The following PRKCE variants were observed in gnomAD, a reference collection of about 807,000 sequenced individuals.
PRKCE encodes the protein protein kinase C epsilon type.
A neutral mutation model predicts 85.4 loss-of-function variants in PRKCE; 16 were observed. The ratio of observed to expected loss-of-function variants is 0.19; its 90% CI spans 0.13 to 0.28. PRKCE has a LOEUF of 0.28. Ranked by LOEUF, PRKCE falls within the 10% of genes least tolerant of loss-of-function variation. The pLI, the probability that PRKCE is intolerant of heterozygous loss-of-function variation, is 1.00. For missense variants in PRKCE, 573 were observed against 975.2 expected (o/e 0.59, Z 5.49); for synonymous variants, 388 against 371.5 (o/e 1.04, Z -0.51).
chr2:45,732,939 T>TTCTTTAAAGGA (rs1163339404), intron 1 of PRKCE, among the ~76,000 whole-genome samples: 33 of 152,352 alleles, frequency 2.2e-4, no homozygotes, highest in African/African-American at 7.9e-4. Flanking sequence ...GTCGACGACT[T>TTCTTTAAAGGA]TCTTTAAAGG....
At chr2:46,101,853 G>C (rs1472408134) in intron 11 of PRKCE, among the ~76,000 whole-genome samples, 2 of 85,774 alleles carry the variant, frequency 2.3e-5, no homozygotes, top group Non-Finnish European at 4.3e-5. Flanking sequence ...CTGATAAACT[G>C]GCTTTCAAAA....
chr2:45,915,347 C>T (rs1429814320), intron 2 of PRKCE, among the ~76,000 whole-genome samples: 1 of 152,128 alleles, frequency 6.6e-6, no homozygotes, highest in Non-Finnish European at 1.5e-5. Flanking sequence ...GTATTTAATG[C>T]ATCTGTTCTT....
chr2:45,879,902 T>C (rs1694758498), intron 2 of PRKCE, among the ~76,000 whole-genome samples: 1 of 152,260 alleles, frequency 6.6e-6, no homozygotes, highest in South Asian at 2.1e-4. Context: ...ATCCTCCTCC[T>C]ACCTATTTGA....
At chr2:46,035,133 T>C (rs1259416873) in intron 10 of PRKCE, among the ~76,000 whole-genome samples, 1 of 152,212 alleles carries the variant, frequency 6.6e-6, no homozygotes, top group African/African-American at 2.4e-5. Flanking sequence ...AGAATGACCC[T>C]TGATGTCAGG....
chr2:45,689,299 C>A (rs1263232430), intron 1 of PRKCE, among the ~76,000 whole-genome samples: 2 of 152,092 alleles, frequency 1.3e-5, no homozygotes, highest in African/African-American at 2.4e-5. Context: ...TTTCAGGTAA[C>A]CTTGGGTAAC....
intron 1 of PRKCE, among the ~76,000 whole-genome samples, chr2:45,814,212 T>G (rs1289309068): frequency 6.6e-6 from 1 of 152,234 alleles, no homozygotes; most frequent in Non-Finnish European, 1.5e-5. Context: ...GAGAAAAATT[T>G]TGAAGCCAGA....
At chr2:46,086,129 C>T in intron 10 of PRKCE, 79 bp from the exon 11 acceptor site, 2 of 1,470,594 alleles carry the variant, frequency 1.4e-6, no homozygotes, top group Non-Finnish European at 1.9e-6. Context: ...GGTAACCTTA[C>T]ACTGAGCTCA....
At chr2:46,077,350 C>T (rs531272666) in intron 10 of PRKCE, among the ~76,000 whole-genome samples, 2 of 152,082 alleles carry the variant, frequency 1.3e-5, no homozygotes, top group South Asian at 4.2e-4. Context: ...GTACAGCTTT[C>T]TGTATGTCAA....
At chr2:46,160,636 G>A (rs919103567) in intron 14 of PRKCE, among the ~76,000 whole-genome samples, 1 of 152,192 alleles carries the variant, frequency 6.6e-6, no homozygotes, top group African/African-American at 2.4e-5. Context: ...CTGTGGGGCT[G>A]TGGAACTGGG....
At chr2:45,758,120 T>C (rs79132372) in intron 1 of PRKCE, among the ~76,000 whole-genome samples, 1,884 of 152,328 alleles carry the variant, frequency 0.012, 48 homozygotes, top group African/African-American at 0.042. Context: ...GAAAGCTAGA[T>C]GGGCTGAGAC....
chr2:45,917,352 C>G (rs1225734788), intron 2 of PRKCE, among the ~76,000 whole-genome samples: 1 of 151,946 alleles, frequency 6.6e-6, no homozygotes, highest in East Asian at 1.9e-4. Flanking sequence ...AAACCTTGAG[C>G]TAGATACAGA....
At chr2:45,653,714 C>G (rs895458702) in intron 1 of PRKCE, among the ~76,000 whole-genome samples, 1 of 152,196 alleles carries the variant, frequency 6.6e-6, no homozygotes, top group Admixed American at 6.5e-5. Context: ...TGTTTTTGTG[C>G]TCATGGCTGT....
intron 2 of PRKCE, among the ~76,000 whole-genome samples, chr2:45,849,998 T>A (rs1033406421): frequency 1.3e-5 from 2 of 152,182 alleles, no homozygotes; most frequent in African/African-American, 4.8e-5. Flanking sequence ...CAAAGAGACA[T>A]CGCTAAGATG....
chr2:46,025,873 A>G (rs1707067842), intron 10 of PRKCE, among the ~76,000 whole-genome samples: 1 of 150,152 alleles, frequency 6.7e-6, no homozygotes, highest in Non-Finnish European at 1.5e-5. Context: ...GCTTTAAACC[A>G]CATTAATCTC....
chr2:45,988,641 G>A (rs562316350), intron 6 of PRKCE, among the ~76,000 whole-genome samples: 148 of 152,242 alleles, frequency 9.7e-4, no homozygotes, highest in African/African-American at 3.5e-3. Flanking sequence ...AAGTGAGCAG[G>A]CAAAATAGTT....
intron 10 of PRKCE, among the ~76,000 whole-genome samples, chr2:46,020,022 G>A (rs1166792127): frequency 1.3e-5 from 2 of 151,784 alleles, no homozygotes; most frequent in East Asian, 3.9e-4. Context: ...GCTAATTTTT[G>A]TATTTTTAGT....
intron 1 of PRKCE, among the ~76,000 whole-genome samples, chr2:45,704,544 A>G (rs557884253): frequency 4.6e-5 from 7 of 152,302 alleles, no homozygotes; most frequent in Admixed American, 3.9e-4. Context: ...GTGTCATGAC[A>G]TGGCCTTTGT....
At chr2:45,749,292 T>G (rs368886020) in intron 1 of PRKCE, among the ~76,000 whole-genome samples, 1 of 152,162 alleles carries the variant, frequency 6.6e-6, no homozygotes. Flanking sequence ...GCAAAACCTA[T>G]TTAGGAAGAA....
chr2:45,759,567 A>G (rs1187807281), intron 1 of PRKCE, among the ~76,000 whole-genome samples: 1 of 152,172 alleles, frequency 6.6e-6, no homozygotes, highest in Non-Finnish European at 1.5e-5. Context: ...GTTGTTCCTC[A>G]CATTCAGCAA....
Sources: allele counts gnomAD v4.1 joint callset (sites outside exome capture counted in the v4.1 genomes callset), GRCh38; gene constraint gnomAD v4.1.1; transcripts MANE v1.5; gene names NCBI Gene and HGNC (gene_info 2026-07-23, HGNC 2026-07-21).